Variants in PHF2 observed in about 807,000 individuals in gnomAD.
PHF2 encodes lysine-specific demethylase PHF2.
A neutral mutation model predicts 120.5 loss-of-function variants in PHF2; 27 were observed. That is an observed-to-expected ratio of 0.22 (90% CI 0.17 to 0.31). The LOEUF (loss-of-function observed/expected upper bound fraction) is 0.31, where lower values mean the gene tolerates loss of function less well. Ranked by LOEUF, PHF2 falls within the 10% of genes least tolerant of loss-of-function variation. The probability of loss-of-function intolerance (pLI) is 1.00; values close to 1 mark genes in which losing one functional copy is unlikely to be tolerated. For missense variants in PHF2, 1,024 were observed against 1,434.8 expected (o/e 0.71, Z 4.63); for synonymous variants, 568 against 592.5 (o/e 0.96, Z 0.60).
intron 1 of PHF2, among the ~76,000 whole-genome samples, chr9:93,603,299 C>T (rs933541267): frequency 2.6e-5 from 4 of 152,162 alleles, no homozygotes; most frequent in Non-Finnish European, 4.4e-5. Context: ...AGTGACTGCA[C>T]GCTGCCCTCC....
intron 1 of PHF2, among the ~76,000 whole-genome samples, chr9:93,617,890 T>C (rs539746278): frequency 6.6e-6 from 1 of 152,310 alleles, no homozygotes; most frequent in East Asian, 1.9e-4. Flanking sequence ...GCTGATTAGA[T>C]GGTGCCCACA....
At position 93,663,655 on chromosome 9, in the gene PHF2, G is replaced by C; in HGVS notation, c.1937+20G>C. ...CCTCGGGTATGTGAGTGCCTGGATG[G>C]GAGGGGTGACCTCGCGCATAACCGA... On this transcript the variant is annotated intron_variant, in intron 14 of 21. Transcript: ENST00000359246. 6.7e-7 allele frequency: 1 copy of C among 1,483,674 alleles called. No individual in the cohort carries two copies. The highest frequency in any genetic ancestry group is 9.4e-7 in the Non-Finnish European group (1 of 1,066,140). 91.9% of individuals were successfully genotyped at this position (1,483,674 alleles called of 1,614,324 possible). A position where few individuals can be genotyped will look rare whatever the true frequency, so the allele number is the denominator to read the frequency against.
chr9:93,623,912 C>T (rs1587689136), intron 1 of PHF2, among the ~76,000 whole-genome samples: 1 of 152,212 alleles, frequency 6.6e-6, no homozygotes, highest in African/African-American at 2.4e-5. Context: ...GGTGGCCTTG[C>T]AGGGTTAGTC....
At chr9:93,661,715 A>C (rs1379324302) in intron 12 of PHF2, among the ~76,000 whole-genome samples, 1 of 151,230 alleles carries the variant, frequency 6.6e-6, no homozygotes, top group Non-Finnish European at 1.5e-5. Context: ...GGATGGAATA[A>C]TGAAGGGATG....
At chr9:93,653,426 G>T in intron 6 of PHF2, 61 bp downstream of exon 6, 4 of 1,538,552 alleles carry the variant, frequency 2.6e-6, no homozygotes, top group Admixed American at 1.7e-5. Flanking sequence ...CTGCAGGATT[G>T]TCTGCAGTCC....
chr9:93,603,236 G>A (rs1426223945), intron 1 of PHF2, among the ~76,000 whole-genome samples: 4 of 152,102 alleles, frequency 2.6e-5, no homozygotes, highest in African/African-American at 4.8e-5. Context: ...CTATGATCCC[G>A]GTCTGAGAAA....
chr9:93,597,473 G>T (rs1268118598), intron 1 of PHF2, among the ~76,000 whole-genome samples: 2 of 152,098 alleles, frequency 1.3e-5, no homozygotes, highest in Admixed American at 1.3e-4. Flanking sequence ...GGAGAGCATG[G>T]TGGGCTGACC....
Position 93,676,957 on chromosome 9 carries a change from G to T in PHF2, c.3196G>T (p.Ala1066Ser). 1 of 1,550,210 alleles carries T rather than the reference G, an allele frequency of 6.5e-7. No individual in the cohort carries two copies. The highest frequency in any genetic ancestry group is 8.7e-7 in the Non-Finnish European group (1 of 1,144,126). Residue 1066 changes from alanine to serine, a missense_variant, in exon 21 of 22, where the codon GCC becomes TCC. Coordinates refer to ENST00000359246, the MANE Select transcript of PHF2 (RefSeq NM_005392.4). The stretch of plus-strand genomic sequence containing the variant: ...ATCGTCTCCAAACAACAACACCGCT[G>T]CCAAAGGTACTGTGCCTGCTGGAGG... Reference protein sequence around the residue: ...SASSPNNNTAAKGKRTKKGMA... With the variant: ...SASSPNNNTASKGKRTKKGMA...
At chr9:93,596,018 A>G (rs1324061924) in intron 1 of PHF2, among the ~76,000 whole-genome samples, 1 of 152,172 alleles carries the variant, frequency 6.6e-6, no homozygotes, top group Non-Finnish European at 1.5e-5. Flanking sequence ...TGGCTTACCC[A>G]CGGTCTGTCC....
intron 12 of PHF2, among the ~76,000 whole-genome samples, chr9:93,662,692 A>G (rs1826597059): frequency 6.6e-6 from 1 of 151,196 alleles, no homozygotes; most frequent in Non-Finnish European, 1.5e-5. Context: ...GAATGAACGG[A>G]TGGATGGATG....
chr9:93,660,280 C>G lies in PHF2; in HGVS notation c.1418C>G (p.Pro473Arg). ...GGGGACCGGGAGAAGGAGGAGCCCC[C>G]GTCTCCCATTGAGGCCACCCCGCCT... ...CDGDREKEEP[P>R]SPIEATPPQS... Residue 473 changes from proline to arginine, a missense_variant, in exon 12 of 22, where the codon CCG (proline) becomes CGG (arginine). By Grantham distance (103) the Pro-to-Arg change is moderately radical. Coordinates refer to ENST00000359246, the MANE Select transcript of PHF2 (RefSeq NM_005392.4). The G allele has an allele frequency of 6.2e-7, 1 of 1,610,512 alleles. No homozygotes were observed. The highest frequency in any genetic ancestry group is 8.5e-7 in the Non-Finnish European group (1 of 1,178,834).
intron 1 of PHF2, among the ~76,000 whole-genome samples, chr9:93,622,828 T>G (rs572168436): frequency 2.3e-4 from 35 of 152,282 alleles, no homozygotes; most frequent in African/African-American, 7.9e-4. Flanking sequence ...GTGCTGGCCC[T>G]GCTAACTGAG....
At chr9:93,648,022 G>A (rs1400778712) in intron 4 of PHF2, among the ~76,000 whole-genome samples, 17 of 152,056 alleles carry the variant, frequency 1.1e-4, no homozygotes, top group Admixed American at 1.1e-3. Flanking sequence ...TAATTCCTTG[G>A]TGGCACGTAA....
chr9:93,647,888 C>CAA (rs35872422), intron 4 of PHF2, among the ~76,000 whole-genome samples: 12,015 of 145,598 alleles, frequency 0.083, 1,113 homozygotes, highest in African/African-American at 0.23. Flanking sequence ...GATTTCATCT[C>CAA]AAAAAAAAAA....
intron 7 of PHF2, among the ~76,000 whole-genome samples, chr9:93,655,595 T>C (rs1826444973): frequency 6.6e-6 from 1 of 152,214 alleles, no homozygotes; most frequent in Non-Finnish European, 1.5e-5. Context: ...CCCCCTCAAG[T>C]GGTCTGAGTG....
At chr9:93,668,884 C>T (rs1826730847) in intron 17 of PHF2, among the ~76,000 whole-genome samples, 1 of 152,220 alleles carries the variant, frequency 6.6e-6, no homozygotes. Context: ...CCATTTGGAG[C>T]GTAGGTCAGT....
At position 93,672,595 on chromosome 9, in the gene PHF2, T is replaced by G. The variant is rs1826825719; in HGVS notation, c.2349-990T>G. The G allele has an allele frequency of 6.1e-6, 6 of 984,312 alleles. No homozygotes were observed. The South Asian group carries it at 2.8e-4, about 46-fold the overall frequency. The allele number at this position is 984,312 out of a possible 1,614,324, so 61.0% of individuals were successfully genotyped here. Reference sequence around the variant, plus strand: ...GTGTAGGTGTAGGCACCAGTGTAGATGGAGGTGTGGGTATGGGTGTAGGCA... The same window carrying G: ...GTGTAGGTGTAGGCACCAGTGTAGAGGGAGGTGTGGGTATGGGTGTAGGCA... On this transcript the variant is annotated intron_variant, in intron 17 of 21. Transcript: ENST00000359246.
chr9:93,670,799 A>T (rs1826767662), intron 17 of PHF2, among the ~76,000 whole-genome samples: 2 of 152,054 alleles, frequency 1.3e-5, no homozygotes, highest in Non-Finnish European at 2.9e-5. Context: ...TGTAGACAGG[A>T]GGAGGTGTGT....
intron 9 of PHF2, 49 bp from the exon 10 acceptor site, chr9:93,658,096 C>T: frequency 7.3e-7 from 1 of 1,361,856 alleles, no homozygotes; most frequent in South Asian, 1.2e-5. Context: ...CATGAAGGCA[C>T]CTGTGGGCAG....
Sources: gnomAD v4.1 joint callset for allele counts (sites outside exome capture counted in the v4.1 genomes callset) on GRCh38, gnomAD v4.1.1 for gene constraint, MANE v1.5 for transcripts, NCBI Gene and HGNC (gene_info 2026-07-23, HGNC 2026-07-21) for gene names.